The following XKR4 variants were observed in gnomAD, a reference collection of about 807,000 sequenced individuals.
XKR4 encodes the protein XK-related protein 4.
A neutral mutation model predicts 53.9 loss-of-function variants in XKR4; 12 were observed. The observed-to-expected ratio is 0.22, with a 90% CI of 0.14 to 0.36. The LOEUF is 0.36. XKR4 is among the 10% of genes least tolerant of loss of function. The probability of loss-of-function intolerance (pLI) is 1.00; values close to 1 mark genes in which losing one functional copy is unlikely to be tolerated. For missense variants in XKR4, 799 were observed against 859.5 expected, an observed-to-expected ratio of 0.93 and a Z score of 0.88; for synonymous variants, 354 against 362.4, an observed-to-expected ratio of 0.98 and a Z score of 0.26.
chr8:55,408,468 C>T (rs182591512), intron 2 of XKR4, among the ~76,000 whole-genome samples: 6 of 152,248 alleles, frequency 3.9e-5, no homozygotes, highest in Admixed American at 1.3e-4. Context: ...CCCAGGGAAC[C>T]GCAGCAGGAT....
At chr8:55,153,107 G>T (rs1028535464) in intron 1 of XKR4, among the ~76,000 whole-genome samples, 1 of 152,120 alleles carries the variant, frequency 6.6e-6, no homozygotes, top group African/African-American at 2.4e-5. Flanking sequence ...GTGCTTCCTT[G>T]TTTGGGAATG....
In XKR4 at chr8:55,283,158, T is replaced by G. The variant is rs73682945; in HGVS notation, c.807-74520T>G. Among the ~76,000 whole-genome samples the G allele has an allele frequency of 3.6e-3, 556 of 152,348 alleles. 5 individuals carry two copies. Among genetic ancestry groups the G allele is most frequent in the African/African-American group, 0.012 (503 of 41,582 alleles). ...ACACTCTATGATGTTCACATAATGA[T>G]GAAATTGCCTAATGATGCAATTCTC... On this transcript the variant is annotated intron_variant, in intron 1 of 2. Coordinates refer to ENST00000327381, the MANE Select transcript of XKR4 (RefSeq NM_052898.2).
chr8:55,239,713 T>C (rs979202774), intron 1 of XKR4, among the ~76,000 whole-genome samples: 1 of 152,208 alleles, frequency 6.6e-6, no homozygotes, highest in Non-Finnish European at 1.5e-5. Flanking sequence ...AGTTTATACA[T>C]CTGGTCATGA....
chr8:55,219,116 A>G (rs1385914325), intron 1 of XKR4, among the ~76,000 whole-genome samples: 1 of 151,752 alleles, frequency 6.6e-6, no homozygotes, highest in Non-Finnish European at 1.5e-5. Flanking sequence ...GGTTTCTGTG[A>G]GCCATTCTCC....
intron 2 of XKR4, among the ~76,000 whole-genome samples, chr8:55,414,285 T>G (rs79879918): frequency 0.019 from 2,933 of 152,234 alleles, 81 homozygotes; most frequent in African/African-American, 0.067. Flanking sequence ...ACATATTTAC[T>G]AATCAGATAT....
chr8:55,454,780 G>A, intron 2 of XKR4: 1 of 775,840 alleles, frequency 1.3e-6, no homozygotes, highest in Non-Finnish European at 2.4e-6. Context: ...CGTCTTTGGG[G>A]CAAACATCTG....
intron 2 of XKR4, among the ~76,000 whole-genome samples, chr8:55,467,416 G>A (rs911920333): frequency 6.6e-6 from 1 of 152,108 alleles, no homozygotes; most frequent in Non-Finnish European, 1.5e-5. Context: ...ACAAGCACAG[G>A]AGTGCTATCC....
intron 2 of XKR4, among the ~76,000 whole-genome samples, chr8:55,464,059 T>C (rs867088132): frequency 1.5e-4 from 23 of 152,260 alleles, no homozygotes; most frequent in Admixed American, 5.9e-4. Flanking sequence ...AATGAGAAGA[T>C]GGTACCATTC....
chr8:55,186,676 A>T (rs534511619), intron 1 of XKR4, among the ~76,000 whole-genome samples: 48 of 152,192 alleles, frequency 3.2e-4, no homozygotes, highest in Non-Finnish European at 5.9e-4. Context: ...AAATAAATAA[A>T]TAATTAAAAA....
intron 2 of XKR4, among the ~76,000 whole-genome samples, chr8:55,509,172 C>T (rs942963710): frequency 6.6e-6 from 1 of 152,114 alleles, no homozygotes; most frequent in African/African-American, 2.4e-5. Flanking sequence ...CTGTTGAATA[C>T]GTAGCACTGC....
intron 1 of XKR4, among the ~76,000 whole-genome samples, chr8:55,299,906 G>A (rs983707237): frequency 5.3e-5 from 8 of 152,076 alleles, no homozygotes; most frequent in African/African-American, 1.4e-4. Context: ...GATTTGTACC[G>A]GAGATACAGA....
At chr8:55,480,352 C>A (rs189617050) in intron 2 of XKR4, among the ~76,000 whole-genome samples, 52 of 152,268 alleles carry the variant, frequency 3.4e-4, no homozygotes, top group African/African-American at 1.2e-3. Flanking sequence ...AATTCAATAA[C>A]GCTTCATGCT....
intron 1 of XKR4, among the ~76,000 whole-genome samples, chr8:55,204,932 T>C (rs1817625322): frequency 6.6e-6 from 1 of 152,180 alleles, no homozygotes; most frequent in Non-Finnish European, 1.5e-5. Flanking sequence ...CACTGTTAGA[T>C]GACATGGAAG....
chr8:55,226,277 C>T (rs1439698342), intron 1 of XKR4, among the ~76,000 whole-genome samples: 1 of 152,132 alleles, frequency 6.6e-6, no homozygotes, highest in Non-Finnish European at 1.5e-5. Context: ...GAGTATAAAT[C>T]TTTTCTCAGG....
chr8:55,231,921 T>C (rs1304102886), intron 1 of XKR4, among the ~76,000 whole-genome samples: 1 of 152,218 alleles, frequency 6.6e-6, no homozygotes, highest in Admixed American at 6.5e-5. Context: ...CTGTAATCTA[T>C]TCATGTGCAC....
chr8:55,154,892 T>A (rs1816884410), intron 1 of XKR4, among the ~76,000 whole-genome samples: 1 of 152,144 alleles, frequency 6.6e-6, no homozygotes, highest in African/African-American at 2.4e-5. Context: ...CTGGGAAGGA[T>A]CACTATAAAA....
At chr8:55,438,168 G>A (rs1672208175) in intron 2 of XKR4, among the ~76,000 whole-genome samples, 1 of 152,030 alleles carries the variant, frequency 6.6e-6, no homozygotes, top group Non-Finnish European at 1.5e-5. Context: ...AGTTAACTAA[G>A]TCCCAATTCA....
At chr8:55,255,618 A>T (rs905845641) in intron 1 of XKR4, among the ~76,000 whole-genome samples, 2 of 152,172 alleles carry the variant, frequency 1.3e-5, no homozygotes, top group African/African-American at 4.8e-5. Flanking sequence ...ACTGATGTTA[A>T]ATAATAATAA....
At chr8:55,117,753 A>G (rs903135320) in intron 1 of XKR4, among the ~76,000 whole-genome samples, 4 of 152,252 alleles carry the variant, frequency 2.6e-5, no homozygotes, top group East Asian at 1.9e-4. Flanking sequence ...TTACTATTCC[A>G]AGGTTAATCC....
Sources: gnomAD v4.1 joint callset for allele counts (sites outside exome capture counted in the v4.1 genomes callset) on GRCh38, gnomAD v4.1.1 for gene constraint, MANE v1.5 for transcripts, NCBI Gene and HGNC (gene_info 2026-07-23, HGNC 2026-07-21) for gene names.